The following CNTNAP2 variants were observed in gnomAD, a reference collection of about 807,000 sequenced individuals.
CNTNAP2 encodes the protein contactin-associated protein-like 2.
In CNTNAP2, 98 loss-of-function variants were observed where a neutral mutation model predicts 155.2. The ratio of observed to expected loss-of-function variants is 0.63; its 90% CI spans 0.54 to 0.75. CNTNAP2 has a LOEUF of 0.75. Among genes scored for constraint, CNTNAP2 ranks in the 30% least tolerant of loss-of-function variants. CNTNAP2 has a pLI of 0.00. For synonymous variants in CNTNAP2, 651 were observed against 631.2 expected (o/e 1.03, Z -0.47); for missense variants, 1,727 against 1,688.1 (o/e 1.02, Z -0.40).
chr7:147,363,115 G>A lies in CNTNAP2; in HGVS notation c.1499-32494G>A, dbSNP rs991932174. Among the ~76,000 whole-genome samples the A allele has an allele frequency of 3.0e-4, 45 of 152,164 alleles. 1 individual carries two copies. Among genetic ancestry groups the A allele is most frequent in the African/African-American group, 9.7e-4 (40 of 41,432 alleles). On this transcript the variant is annotated intron_variant, in intron 9 of 23. Transcript: ENST00000361727. ...ATAGCATCCAACGGGATGCTAATAC[G>A]TGGTGGGACCTTTGGAAGGAAATTA...
chr7:147,354,745 A>G (rs1473240758), intron 9 of CNTNAP2, among the ~76,000 whole-genome samples: 13 of 152,090 alleles, frequency 8.5e-5, no homozygotes, highest in Admixed American at 8.5e-4. Context: ...CATTTCCACA[A>G]TATTGATTCT....
At chr7:147,566,374 AG>A (rs1489278175) in intron 12 of CNTNAP2, among the ~76,000 whole-genome samples, 1 of 9,354 alleles carries the variant, frequency 1.1e-4, no homozygotes, top group Non-Finnish European at 2.2e-4. Flanking sequence ...GAAGGGGAGA[AG>A]GGGGGTGGGG....
chr7:148,224,457 G>A (rs1271278900), intron 19 of CNTNAP2, among the ~76,000 whole-genome samples: 1 of 152,212 alleles, frequency 6.6e-6, no homozygotes, highest in Non-Finnish European at 1.5e-5. Flanking sequence ...TAGTTTGAAT[G>A]TAAAAAGTGA....
At chr7:148,360,386 G>A (rs1416488580) in intron 21 of CNTNAP2, among the ~76,000 whole-genome samples, 1 of 152,186 alleles carries the variant, frequency 6.6e-6, no homozygotes, top group African/African-American at 2.4e-5. Context: ...GAAGGAAATT[G>A]CTTCTCCAAA....
chr7:146,291,666 A>G (rs997280234), intron 1 of CNTNAP2, among the ~76,000 whole-genome samples: 1 of 152,226 alleles, frequency 6.6e-6, no homozygotes, highest in African/African-American at 2.4e-5. Context: ...GTAACAGCAG[A>G]AAGAATAGAT....
intron 1 of CNTNAP2, among the ~76,000 whole-genome samples, chr7:146,611,972 T>C (rs1285901779): frequency 6.6e-6 from 1 of 152,152 alleles, no homozygotes; most frequent in Non-Finnish European, 1.5e-5. Flanking sequence ...ACATAACATA[T>C]AAAAGGTTAT....
chr7:147,600,074 T>A (rs1188253831), intron 12 of CNTNAP2, among the ~76,000 whole-genome samples: 1 of 152,208 alleles, frequency 6.6e-6, no homozygotes, highest in Non-Finnish European at 1.5e-5. Context: ...TGTCAAGTAC[T>A]TTTATGCTTA....
chr7:147,692,934 T>A (rs141831190), intron 13 of CNTNAP2, among the ~76,000 whole-genome samples: 1,524 of 152,148 alleles, frequency 0.01, 35 homozygotes, highest in African/African-American at 0.035. Context: ...GTCGTCTAGA[T>A]TTTCTCCCTT....
At chr7:148,300,711 A>G (rs1290193490) in intron 21 of CNTNAP2, among the ~76,000 whole-genome samples, 1 of 152,332 alleles carries the variant, frequency 6.6e-6, no homozygotes, top group South Asian at 2.1e-4. Flanking sequence ...AATGTGGTCT[A>G]TACGTACAAC....
chr7:146,669,957 A>G (rs962945059), intron 1 of CNTNAP2, among the ~76,000 whole-genome samples: 38 of 152,304 alleles, frequency 2.5e-4, no homozygotes, highest in African/African-American at 8.9e-4. Context: ...CTGGAGAGCA[A>G]TCAAATTTTG....
chr7:147,358,879 G>T (rs907930881), intron 9 of CNTNAP2, among the ~76,000 whole-genome samples: 18 of 151,990 alleles, frequency 1.2e-4, no homozygotes, highest in African/African-American at 4.3e-4. Context: ...ATTTGTTAAA[G>T]CTGTTTACTC....
chr7:147,702,267 A>G (rs147860677), intron 13 of CNTNAP2, among the ~76,000 whole-genome samples: 2,510 of 152,128 alleles, frequency 0.016, 223 homozygotes, highest in Admixed American at 0.15. Context: ...AATTGTATCA[A>G]TGGCATCAAT....
Position 148,418,036 on chromosome 7 carries a change from T to C in CNTNAP2, c.*2420T>C, listed in dbSNP as rs1047861815. On this transcript the variant is annotated 3_prime_UTR_variant, in exon 24 of 24. Transcript: ENST00000361727. The stretch of plus-strand genomic sequence containing the variant: ...AAGACATATAGGACACTGTCTTCCT[T>C]CAAGAGGGTTACAATGTGGCCATCA... The C allele has an allele frequency of 6.6e-6, 1 of 152,174 alleles. No homozygotes were observed. The highest frequency in any genetic ancestry group is 6.5e-5 in the Admixed American group (1 of 15,286). The allele number at this position is 152,174 out of a possible 1,614,324, so 9.4% of individuals were successfully genotyped here.
At chr7:146,312,752 T>C (rs1478204346) in intron 1 of CNTNAP2, among the ~76,000 whole-genome samples, 1 of 152,190 alleles carries the variant, frequency 6.6e-6, no homozygotes, top group African/African-American at 2.4e-5. Flanking sequence ...CACATTTCTA[T>C]TCCTTGTTTC....
chr7:148,415,903 CTTATTTTGTGTGTG>C lies in CNTNAP2; in HGVS notation c.*290_*303del, dbSNP rs1218425422. On this transcript the variant is annotated 3_prime_UTR_variant, in exon 24 of 24. Coordinates refer to ENST00000361727, the MANE Select transcript of CNTNAP2 (RefSeq NM_014141.6). Reference sequence around the variant, plus strand: ...GTTGAAATTTGTAGGTACTATCTGTCTTATTTTGTGTGTGTTTAGAGGTGTTCTAAAGACCCGTG... The same window carrying C: ...GTTGAAATTTGTAGGTACTATCTGTCTTTAGAGGTGTTCTAAAGACCCGTG... The C allele has an allele frequency of 2.1e-5, 11 of 519,932 alleles. No homozygotes were observed. Among genetic ancestry groups the C allele is most frequent in the African/African-American group, 2.1e-4 (11 of 52,360 alleles). The allele number at this position is 519,932 out of a possible 1,614,324, so 32.2% of individuals were successfully genotyped here.
At chr7:146,555,392 A>G (rs1176625491) in intron 1 of CNTNAP2, among the ~76,000 whole-genome samples, 1 of 152,086 alleles carries the variant, frequency 6.6e-6, no homozygotes, top group Non-Finnish European at 1.5e-5. Context: ...TCTATCTACC[A>G]TCTATTATGT....
At chr7:146,466,155 C>T (rs141152702) in intron 1 of CNTNAP2, among the ~76,000 whole-genome samples, 5 of 152,212 alleles carry the variant, frequency 3.3e-5, no homozygotes, top group African/African-American at 7.2e-5. Flanking sequence ...AGCAAAGAAG[C>T]GATTCTTGAA....
intron 21 of CNTNAP2, among the ~76,000 whole-genome samples, chr7:148,301,657 G>T (rs1331751196): frequency 6.6e-6 from 1 of 152,214 alleles, no homozygotes; most frequent in Non-Finnish European, 1.5e-5. Flanking sequence ...CTGGAGGACA[G>T]CTTTGTGGAG....
At chr7:147,244,386 TA>T (rs930696741) in intron 8 of CNTNAP2, among the ~76,000 whole-genome samples, 1 of 152,102 alleles carries the variant, frequency 6.6e-6, no homozygotes, top group Non-Finnish European at 1.5e-5. Context: ...CCCTATATGT[TA>T]AAAAAATATA....
Sources: gnomAD v4.1 joint callset for allele counts (sites outside exome capture counted in the v4.1 genomes callset) on GRCh38, gnomAD v4.1.1 for gene constraint, MANE v1.5 for transcripts, NCBI Gene and HGNC (gene_info 2026-07-23, HGNC 2026-07-21) for gene names.